EPAS1: variants seen among roughly 807,000 people sequenced by gnomAD.
The protein encoded by EPAS1 is endothelial PAS domain protein 1.
In EPAS1, 23 loss-of-function variants were observed where a neutral mutation model predicts 87.9. The ratio of observed to expected loss-of-function variants is 0.26; its 90% CI spans 0.19 to 0.37. EPAS1 has a LOEUF of 0.37. Ranked by LOEUF, EPAS1 falls within the 10% of genes least tolerant of loss-of-function variation. The pLI is 1.00. For missense variants in EPAS1, 1,138 were observed against 1,120.7 expected (o/e 1.02, Z -0.22); for synonymous variants, 508 against 444.3 (o/e 1.14, Z -1.80).
chr2:46,301,520 T>C (rs1045634894), intron 1 of EPAS1, among the ~76,000 whole-genome samples: 1 of 145,820 alleles, frequency 6.9e-6, no homozygotes, highest in South Asian at 2.2e-4. Context: ...GAGGCTGCAG[T>C]GAGCGGAGAT....
At chr2:46,363,170 T>C (rs1265430590) in intron 6 of EPAS1, among the ~76,000 whole-genome samples, 4 of 152,222 alleles carry the variant, frequency 2.6e-5, no homozygotes, top group African/African-American at 9.6e-5. Context: ...CTCAGTAGTC[T>C]TGTGAGATAA....
chr2:46,352,364 TAAGAC>T (rs1426479567), intron 2 of EPAS1, among the ~76,000 whole-genome samples: 7 of 152,230 alleles, frequency 4.6e-5, no homozygotes, highest in Non-Finnish European at 1.0e-4. Flanking sequence ...TGATTCTCCT[TAAGAC>T]AGGACTGAGC....
At chr2:46,301,208 TTC>T (rs1243225444) in intron 1 of EPAS1, among the ~76,000 whole-genome samples, 1 of 152,204 alleles carries the variant, frequency 6.6e-6, no homozygotes. Flanking sequence ...AGTCAGACTT[TTC>T]TCTTTCTGGA....
chr2:46,337,932 G>C (rs1206373862), intron 1 of EPAS1, among the ~76,000 whole-genome samples: 1 of 152,114 alleles, frequency 6.6e-6, no homozygotes, highest in Non-Finnish European at 1.5e-5. Flanking sequence ...TGCCAGCTGA[G>C]GGGCTGGCCT....
intron 1 of EPAS1, among the ~76,000 whole-genome samples, chr2:46,316,997 T>G (rs1387698547): frequency 6.6e-6 from 1 of 152,226 alleles, no homozygotes; most frequent in Non-Finnish European, 1.5e-5. Context: ...TTTTCTTTTC[T>G]CATCTGTAAG....
At chr2:46,323,324 C>T (rs971915261) in intron 1 of EPAS1, among the ~76,000 whole-genome samples, 2 of 152,118 alleles carry the variant, frequency 1.3e-5, no homozygotes, top group Non-Finnish European at 2.9e-5. Context: ...GATCAATAAA[C>T]AGTTGTTAAG....
At chr2:46,339,871 C>T (rs1303961559) in intron 1 of EPAS1, among the ~76,000 whole-genome samples, 1 of 152,184 alleles carries the variant, frequency 6.6e-6, no homozygotes, top group Non-Finnish European at 1.5e-5. Context: ...TCCCCTGGGC[C>T]TCCTTTGCGA....
chr2:46,339,227 G>A (rs937248519), intron 1 of EPAS1, among the ~76,000 whole-genome samples: 6 of 152,118 alleles, frequency 3.9e-5, no homozygotes, highest in Admixed American at 2.6e-4. Flanking sequence ...ATCTCAGCTC[G>A]TTTTCTTCAT....
intron 1 of EPAS1, among the ~76,000 whole-genome samples, chr2:46,334,015 G>A (rs1050661562): frequency 6.6e-6 from 1 of 152,152 alleles, no homozygotes; most frequent in African/African-American, 2.4e-5. Flanking sequence ...AATGCCTTGC[G>A]GAGGTCTCTG....
chr2:46,303,237 A>G (rs758296686), intron 1 of EPAS1, among the ~76,000 whole-genome samples: 33 of 152,168 alleles, frequency 2.2e-4, no homozygotes, highest in Non-Finnish European at 2.9e-5. Context: ...TAAGAGTATT[A>G]TGTGTATTTA....
At chr2:46,376,013 G>C (rs957952269) in intron 8 of EPAS1, among the ~76,000 whole-genome samples, 176 bp downstream of exon 8, 8 of 152,174 alleles carry the variant, frequency 5.3e-5, no homozygotes, top group Admixed American at 6.5e-5. Flanking sequence ...TGGATGTCTT[G>C]GAACAGTGGG....
chr2:46,306,541 C>T (rs2104838366), intron 1 of EPAS1, among the ~76,000 whole-genome samples: 1 of 152,306 alleles, frequency 6.6e-6, no homozygotes, highest in Middle Eastern at 3.4e-3. Flanking sequence ...GCAATTACAG[C>T]AAATATTTAC....
rs1255386102 is a variant in EPAS1 at position 46,375,977 on chromosome 2, A to G, written c.1034+140A>G. ...ACCTCAGGGAGGTCTTGCAGGGCTA[A>G]CCCTAGTGACTGAGAGGACTTCCTG... On this transcript the variant is annotated intron_variant, in intron 8 of 15. Coordinates refer to ENST00000263734, the MANE Select transcript of EPAS1 (RefSeq NM_001430.5). The surrounding 1 kb of genome is among the most constrained non-coding windows in gnomAD (Gnocchi z 4.1). 8.8e-7 allele frequency: 1 copy of G among 1,136,286 alleles called. No homozygotes were observed. The highest frequency in any genetic ancestry group is 1.3e-6 in the Non-Finnish European group (1 of 761,338). 70.4% of individuals were successfully genotyped at this position (1,136,286 alleles called of 1,614,324 possible).
intron 2 of EPAS1, among the ~76,000 whole-genome samples, chr2:46,348,638 A>C (rs904323511): frequency 1.3e-5 from 2 of 152,184 alleles, no homozygotes; most frequent in African/African-American, 4.8e-5. Flanking sequence ...CACCACTCCC[A>C]ATTCCTCCAC....
In EPAS1 at chr2:46,381,967, A is replaced by T; in HGVS notation, c.2173-8A>T. On this transcript the variant is annotated splice_polypyrimidine_tract_variant and splice_region_variant and intron_variant, in intron 13 of 15. Coordinates refer to ENST00000263734, the MANE Select transcript of EPAS1 (RefSeq NM_001430.5). ...TTTCCCCTTTCCATCTGCCCTTCTT[A>T]CTCCCAGGGGGACCCACCTGGTGGC... 6.5e-7 allele frequency: 1 copy of T among 1,535,020 alleles called. No homozygotes were observed. Among genetic ancestry groups the T allele is most frequent in the Non-Finnish European group, 8.8e-7 (1 of 1,139,632 alleles).
At chr2:46,324,223 C>T (rs749598989) in intron 1 of EPAS1, among the ~76,000 whole-genome samples, 1 of 152,164 alleles carries the variant, frequency 6.6e-6, no homozygotes, top group South Asian at 2.1e-4. Context: ...CCCGCCACCA[C>T]GCCTGGCTAA....
At chr2:46,342,288 C>A (rs954501278) in intron 1 of EPAS1, among the ~76,000 whole-genome samples, 1 of 152,180 alleles carries the variant, frequency 6.6e-6, no homozygotes, top group Non-Finnish European at 1.5e-5. Flanking sequence ...TCCTATCAGG[C>A]AGCCCCTGTA....
intron 9 of EPAS1, 71 bp downstream of exon 9, chr2:46,376,824 G>C (rs1477892388): frequency 1.3e-6 from 2 of 1,509,078 alleles, no homozygotes; most frequent in Non-Finnish European, 1.8e-6. Flanking sequence ...ACTATAACAG[G>C]CCTCCCTGGC....
intron 7 of EPAS1, among the ~76,000 whole-genome samples, chr2:46,370,978 A>G (rs1271698856): frequency 6.6e-6 from 1 of 152,228 alleles, no homozygotes; most frequent in Non-Finnish European, 1.5e-5. Context: ...CCTTGGGAAC[A>G]AGGGGCTCAT....
Sources: gnomAD v4.1 joint callset for allele counts (sites outside exome capture counted in the v4.1 genomes callset) on GRCh38, gnomAD v4.1.1 for gene constraint, Gnocchi (gnomAD v3.1) non-coding constraint, MANE v1.5 for transcripts, NCBI Gene and HGNC (gene_info 2026-07-23, HGNC 2026-07-21) for gene names.